The following REV3L variants were observed in gnomAD, a reference collection of about 807,000 sequenced individuals.
REV3L encodes the protein REV3 like, DNA directed polymerase zeta catalytic subunit.
In REV3L, 69 loss-of-function variants were observed where a neutral mutation model predicts 299.4. That is an observed-to-expected ratio of 0.23 (90% CI 0.19 to 0.28). The LOEUF (loss-of-function observed/expected upper bound fraction) is 0.28. Among genes scored for constraint, REV3L ranks in the 10% least tolerant of loss-of-function variants. The probability of loss-of-function intolerance (pLI) is 1.00; values close to 1 mark genes in which losing one functional copy is unlikely to be tolerated. For synonymous variants in REV3L, 1,238 were observed against 1,271.4 expected (o/e 0.97, Z 0.56); for missense variants, 3,128 against 3,693.8 (o/e 0.85, Z 3.97).
chr6:111,460,556 A>G (rs1022745040), intron 1 of REV3L: 1 of 152,122 alleles, frequency 6.6e-6, no homozygotes, highest in East Asian at 1.9e-4. Context: ...AATATTTTAG[A>G]AAAATAAAGT....
chr6:111,345,975 C>T (rs889871620), intron 20 of REV3L, among the ~76,000 whole-genome samples: 1 of 152,204 alleles, frequency 6.6e-6, no homozygotes. Flanking sequence ...CTCATCTCTC[C>T]TCAAACCCCA....
intron 11 of REV3L, among the ~76,000 whole-genome samples, chr6:111,378,463 T>G (rs1780520157): frequency 6.6e-6 from 1 of 152,176 alleles, no homozygotes; most frequent in African/African-American, 2.4e-5. Context: ...GGAACTGTTT[T>G]TCCATTAAGC....
chr6:111,410,235 A>C lies in REV3L; in HGVS notation c.404+1245T>G, dbSNP rs1005004162. Among the ~76,000 whole-genome samples the C allele has an allele frequency of 5.9e-5, 9 of 152,300 alleles. 1 individual carries two copies. Among genetic ancestry groups the C allele is most frequent in the Admixed American group, 1.3e-4 (2 of 15,300 alleles). On this transcript the variant is annotated intron_variant, in intron 3 of 31. Transcript: ENST00000368802. ...AATAATAAATGAACAAATAATGATG[A>C]ATAAATGAATGAATCCATTAATAAA...
At chr6:111,379,304 T>C (rs182270005) in intron 11 of REV3L, among the ~76,000 whole-genome samples, 247 of 152,348 alleles carry the variant, frequency 1.6e-3, no homozygotes, top group African/African-American at 5.5e-3. Flanking sequence ...CAGTGATGGC[T>C]TTGGGTTGGA....
intron 1 of REV3L, among the ~76,000 whole-genome samples, chr6:111,428,157 T>C (rs1010358138): frequency 1.3e-5 from 2 of 151,888 alleles, no homozygotes; most frequent in African/African-American, 4.8e-5. Context: ...GACACAGATG[T>C]ATATCCACAA....
intron 3 of REV3L, among the ~76,000 whole-genome samples, chr6:111,410,701 C>T (rs1225973882): frequency 6.6e-6 from 1 of 152,144 alleles, no homozygotes; most frequent in East Asian, 1.9e-4. Flanking sequence ...TGGTTTAATC[C>T]AGGGTAAACC....
At chr6:111,431,004 CAA>C in intron 1 of REV3L, 5 of 1,565,430 alleles carry the variant, frequency 3.2e-6, no homozygotes, top group Non-Finnish European at 8.7e-7. Context: ...GACAAAAGAA[CAA>C]AGTCACTCCA....
At chr6:111,401,851 CT>C (rs752165448) in intron 4 of REV3L, among the ~76,000 whole-genome samples, 22 of 152,138 alleles carry the variant, frequency 1.4e-4, no homozygotes, top group Non-Finnish European at 2.6e-4. Context: ...TGGCTCATGC[CT>C]GTAATCCCAG....
Position 111,368,025 on chromosome 6 carries a change from C to G in REV3L, c.5763G>C (p.Glu1921Asp). The G allele has an allele frequency of 6.3e-7, 1 of 1,599,422 alleles. No individual in the cohort carries two copies. Among genetic ancestry groups the G allele is most frequent in the Non-Finnish European group, 8.5e-7 (1 of 1,174,040 alleles). Residue 1921 changes from glutamate to aspartate, a missense_variant, in exon 14 of 32, where the codon GAG becomes GAC. Physicochemically the swap from Glu to Asp is conservative, Grantham distance 45. This residue lies in a region of REV3L where 2,409 missense variants were observed against 2,611.8 expected (regional missense o/e 0.92). Coordinates refer to ENST00000368802, the MANE Select transcript of REV3L (RefSeq NM_001372078.1). ...CTACCATGAGGAGCCGTCCACCAAT[C>G]TCCCTATAATAACATATTTTAGAAC... The part of the protein sequence containing the change: ...NPSDVPEKPR[E>D]IGGRLLMVET...
Position 111,375,896 on chromosome 6 carries a change from TTA to T in REV3L, c.2457_2458del (p.Tyr819Ter). 1 of 1,614,052 alleles carries T rather than the reference TTA, an allele frequency of 6.2e-7. No individual in the cohort carries two copies. The highest frequency in any genetic ancestry group is 8.5e-7 in the Non-Finnish European group (1 of 1,179,914). ...GGATGGTTTATTGCCAGGTTGTAATTTATATGTGACAGGAGATAGTTTCTGTG... is the reference window on the plus strand; with the variant it reads ...GGATGGTTTATTGCCAGGTTGTAATTTATGTGACAGGAGATAGTTTCTGTG... On this transcript the variant is annotated stop_gained and frameshift_variant, in exon 13 of 32. Coordinates refer to ENST00000368802, the MANE Select transcript of REV3L (RefSeq NM_001372078.1). LOFTEE classifies it high-confidence loss of function.
intron 1 of REV3L, chr6:111,431,620 C>A: frequency 1.3e-6 from 1 of 779,776 alleles, no homozygotes; most frequent in Non-Finnish European, 2.2e-6. Context: ...AGAACTTGCA[C>A]AGCAAGTAAC....
chr6:111,422,595 CACATATATATATAT>C (rs1785528217), intron 1 of REV3L, among the ~76,000 whole-genome samples: 2 of 18,568 alleles, frequency 1.1e-4, no homozygotes, highest in Non-Finnish European at 1.4e-4. Flanking sequence ...TATATATATA[CACATATATATATAT>C]ATACACATAT....
In REV3L at chr6:111,334,665, G is replaced by GT. The variant is rs1448973988; in HGVS notation, c.7680+803dup. The stretch of plus-strand genomic sequence containing the variant: ...TGAAGTATTCTCATGAGGTTTTAAG[G>GT]TATTTTTGCCTTTTATTACAGACTA... On this transcript the variant is annotated intron_variant, in intron 22 of 31. Coordinates refer to ENST00000368802, the MANE Select transcript of REV3L (RefSeq NM_001372078.1). Among the ~76,000 whole-genome samples the GT allele has an allele frequency of 3.3e-5, 5 of 152,026 alleles. No homozygotes were observed. The East Asian group carries it at 9.6e-4, about 29-fold the overall frequency.
At chr6:111,483,386 C>T, upstream of REV3L, 2 of 463,592 alleles carry the variant, frequency 4.3e-6, no homozygotes, top group East Asian at 7.5e-5. Context: ...CCCGGGCACG[C>T]GGCGAGGGAG....
At chr6:111,338,415 G>A (rs1398730635) in intron 21 of REV3L, among the ~76,000 whole-genome samples, 5 of 131,198 alleles carry the variant, frequency 3.8e-5, no homozygotes, top group Admixed American at 8.7e-5. Context: ...AACATAATCA[G>A]CAGATTAAGA....
At chr6:111,320,493 T>A (rs1268937719) in intron 26 of REV3L, among the ~76,000 whole-genome samples, 1 of 152,198 alleles carries the variant, frequency 6.6e-6, no homozygotes, top group Non-Finnish European at 1.5e-5. Context: ...CAAGGCAAAG[T>A]AATTACTAAG....
intron 18 of REV3L, among the ~76,000 whole-genome samples, chr6:111,352,083 T>C (rs1777628822): frequency 6.6e-6 from 1 of 152,010 alleles, no homozygotes; most frequent in Non-Finnish European, 1.5e-5. Context: ...GTTAGCTCAC[T>C]GCAACCTCTG....
At chr6:111,456,350 T>A (rs1041137769) in intron 1 of REV3L, among the ~76,000 whole-genome samples, 2 of 152,200 alleles carry the variant, frequency 1.3e-5, no homozygotes, top group African/African-American at 4.8e-5. Context: ...AGTGGGAATT[T>A]AACACACTAA....
intron 4 of REV3L, among the ~76,000 whole-genome samples, chr6:111,404,579 A>G (rs1025202482): frequency 1.3e-5 from 2 of 152,214 alleles, no homozygotes; most frequent in Non-Finnish European, 2.9e-5. Flanking sequence ...CCTTCCAGAA[A>G]GGATTCACCA....
Sources: allele counts gnomAD v4.1 joint callset (sites outside exome capture counted in the v4.1 genomes callset), GRCh38; gene constraint gnomAD v4.1.1; regional missense constraint gnomAD v4.1.1; transcripts MANE v1.5; gene names NCBI Gene and HGNC (gene_info 2026-07-23, HGNC 2026-07-21).